The following PAPSS1 variants were observed in gnomAD, a reference collection of about 807,000 sequenced individuals.
PAPSS1 encodes the protein bifunctional 3'-phosphoadenosine 5'-phosphosulfate synthase 1.
Under a neutral mutation model 72.0 loss-of-function variants are expected in PAPSS1, and 50 were observed. The observed-to-expected ratio is 0.69, with a 90% CI of 0.55 to 0.88. The LOEUF is 0.88. Ranked by LOEUF, PAPSS1 falls within the 40% of genes least tolerant of loss-of-function variation. PAPSS1 has a pLI of 0.00. For synonymous variants in PAPSS1, 261 were observed against 263.6 expected (o/e 0.99, Z 0.09); for missense variants, 657 against 782.2 (o/e 0.84, Z 1.91).
At chr4:107,635,454 C>A (rs1726349133) in intron 10 of PAPSS1, among the ~76,000 whole-genome samples, 1 of 152,070 alleles carries the variant, frequency 6.6e-6, no homozygotes, top group Non-Finnish European at 1.5e-5. Flanking sequence ...TTCTTTTTGT[C>A]ATCAACAAAG....
chr4:107,705,149 G>A (rs1232025114), intron 1 of PAPSS1, among the ~76,000 whole-genome samples: 4 of 152,136 alleles, frequency 2.6e-5, no homozygotes, highest in Non-Finnish European at 5.9e-5. Flanking sequence ...TGTGGCTTTG[G>A]TATCAAGGTA....
chr4:107,663,046 C>T (rs911371377), intron 5 of PAPSS1, among the ~76,000 whole-genome samples: 6 of 152,274 alleles, frequency 3.9e-5, no homozygotes, highest in African/African-American at 1.4e-4. Context: ...TTGAAATCTT[C>T]TATGCTAGGG....
At chr4:107,644,378 G>C (rs1726637641) in intron 10 of PAPSS1, among the ~76,000 whole-genome samples, 1 of 152,138 alleles carries the variant, frequency 6.6e-6, no homozygotes, top group African/African-American at 2.4e-5. Flanking sequence ...GAAAACACAA[G>C]GACACAGAGA....
intron 9 of PAPSS1, among the ~76,000 whole-genome samples, chr4:107,649,193 G>T (rs1441228733): frequency 6.6e-6 from 1 of 152,188 alleles, no homozygotes; most frequent in African/African-American, 2.4e-5. Flanking sequence ...CTGCCTTGAG[G>T]GTGGTGGCAT....
chr4:107,670,886 T>G (rs1727449868), intron 5 of PAPSS1, among the ~76,000 whole-genome samples: 2 of 152,044 alleles, frequency 1.3e-5, no homozygotes, highest in African/African-American at 2.4e-5. Flanking sequence ...GAAAAATCAG[T>G]AAGTGTTTTA....
chr4:107,676,985 T>G (rs1040789797), intron 5 of PAPSS1, among the ~76,000 whole-genome samples: 14 of 152,296 alleles, frequency 9.2e-5, no homozygotes, highest in African/African-American at 3.4e-4. Flanking sequence ...TAGCCATATT[T>G]AGAAAGCTGA....
rs1727029999 is a variant in PAPSS1 at position 107,656,968 on chromosome 4, C to T, written c.823G>A (p.Ala275Thr). 1.2e-6 allele frequency: 2 copies of T among 1,613,928 alleles called. No individual in the cohort carries two copies. The highest frequency in any genetic ancestry group is 3.3e-5 in the Admixed American group (2 of 60,004). The change falls in exon 7 of 12, where the codon GCA becomes ACA. Residue 275 changes from alanine (A) to threonine (T), a missense_variant. Around this residue, in one of 7 missense-constraint regions of PAPSS1, gnomAD observed 190 missense variants for 176.7 expected, o/e 1.07. Coordinates refer to ENST00000265174, the MANE Select transcript of PAPSS1 (RefSeq NM_005443.5). ...QWVQVLAEGW[A>T]TPLNGFMRER... ...CTCATAAAGCCATTCAATGGGGTTGCCCAACCTTCTGCCAAAACCTGCACC... is the reference window on the plus strand; with the variant it reads ...CTCATAAAGCCATTCAATGGGGTTGTCCAACCTTCTGCCAAAACCTGCACC...
At chr4:107,662,943 T>C (rs1560576486) in intron 5 of PAPSS1, among the ~76,000 whole-genome samples, 1 of 152,208 alleles carries the variant, frequency 6.6e-6, no homozygotes, top group Admixed American at 6.5e-5. Context: ...GAACTACACA[T>C]ACATTTTGTA....
chr4:107,647,211 T>C (rs1039174519), intron 9 of PAPSS1, among the ~76,000 whole-genome samples: 2 of 152,204 alleles, frequency 1.3e-5, no homozygotes, highest in African/African-American at 4.8e-5. Context: ...AAAAGGAATA[T>C]AGTTCCTTCA....
intron 3 of PAPSS1, among the ~76,000 whole-genome samples, chr4:107,693,273 A>G (rs770984749): frequency 5.9e-5 from 9 of 152,192 alleles, no homozygotes; most frequent in Non-Finnish European, 1.2e-4. Flanking sequence ...GGAAACAAAA[A>G]TCCTGAGATA....
At chr4:107,678,887 G>T (rs1035922806) in intron 5 of PAPSS1, among the ~76,000 whole-genome samples, 1 of 152,120 alleles carries the variant, frequency 6.6e-6, no homozygotes, top group African/African-American at 2.4e-5. Context: ...CCTTCCCAGG[G>T]TCCTCTGTTT....
chr4:107,702,635 T>C (rs1723234256), intron 1 of PAPSS1, among the ~76,000 whole-genome samples: 1 of 152,200 alleles, frequency 6.6e-6, no homozygotes, highest in Admixed American at 6.5e-5. Context: ...CCTGGCTTAT[T>C]TCACTTAACA....
intron 3 of PAPSS1, among the ~76,000 whole-genome samples, chr4:107,690,171 C>T (rs1201381873): frequency 2.0e-5 from 3 of 152,186 alleles, no homozygotes; most frequent in Non-Finnish European, 4.4e-5. Flanking sequence ...ATACCAATCT[C>T]TGTTATAATC....
At chr4:107,707,196 G>C (rs1481505016) in intron 1 of PAPSS1, among the ~76,000 whole-genome samples, 1 of 152,176 alleles carries the variant, frequency 6.6e-6, no homozygotes, top group Non-Finnish European at 1.5e-5. Flanking sequence ...GAAGCCCAGG[G>C]CTGTGTGGGC....
At chr4:107,644,723 G>T in intron 10 of PAPSS1, 79 bp downstream of exon 10, 1 of 1,378,544 alleles carries the variant, frequency 7.3e-7, no homozygotes, top group Non-Finnish European at 9.8e-7. Context: ...CACAGAAAAA[G>T]CAATCGGATG....
chr4:107,699,759 A>G (rs1363995761), intron 2 of PAPSS1, among the ~76,000 whole-genome samples: 1 of 152,208 alleles, frequency 6.6e-6, no homozygotes, highest in Non-Finnish European at 1.5e-5. Flanking sequence ...AAGACAATAG[A>G]GTACTGTTTT....
At chr4:107,663,425 A>T (rs1727240157) in intron 5 of PAPSS1, among the ~76,000 whole-genome samples, 2 of 152,218 alleles carry the variant, frequency 1.3e-5, no homozygotes, top group Non-Finnish European at 1.5e-5. Flanking sequence ...GGCTGTTTTG[A>T]CAAACTAGTG....
intron 10 of PAPSS1, among the ~76,000 whole-genome samples, chr4:107,639,044 T>A (rs777985559): frequency 3.9e-5 from 6 of 152,172 alleles, no homozygotes; most frequent in African/African-American, 1.4e-4. Context: ...GGAAACTGTA[T>A]AGATTACCTA....
At chr4:107,670,165 C>A (rs1434505225) in intron 5 of PAPSS1, among the ~76,000 whole-genome samples, 2 of 152,188 alleles carry the variant, frequency 1.3e-5, no homozygotes, top group East Asian at 3.9e-4. Flanking sequence ...AGACAACATA[C>A]TATAAATATG....
Sources: gnomAD v4.1 joint callset for allele counts (sites outside exome capture counted in the v4.1 genomes callset) on GRCh38, gnomAD v4.1.1 for gene constraint, gnomAD v4.1.1 regional missense constraint, MANE v1.5 for transcripts, NCBI Gene and HGNC (gene_info 2026-07-23, HGNC 2026-07-21) for gene names.